The following GPC6 variants were observed in gnomAD, a reference collection of about 807,000 sequenced individuals.
GPC6 encodes glypican 6.
In GPC6, 14 loss-of-function variants were observed where a neutral mutation model predicts 55.2. The ratio of observed to expected loss-of-function variants is 0.25; its 90% confidence interval spans 0.17 to 0.40. The LOEUF (loss-of-function observed/expected upper bound fraction) is 0.40. GPC6 is among the 10% of genes least tolerant of loss of function. The pLI is 1.00. For missense variants in GPC6, 641 were observed against 708.5 expected, an observed-to-expected ratio of 0.90 and a Z score of 1.08; for synonymous variants, 278 against 259.6, an observed-to-expected ratio of 1.07 and a Z score of -0.68.
Position 93,272,490 on chromosome 13 carries a change from G to GTATATA in GPC6, c.160+44875_160+44876insATATAT, listed in dbSNP as rs71202576. Among the ~76,000 whole-genome samples, 655 of 95,354 alleles carry GTATATA rather than the reference G, an allele frequency of 6.9e-3. 5 individuals carry two copies. Among genetic ancestry groups the GTATATA allele is most frequent in the Admixed American group, 0.014 (107 of 7,912 alleles). 62.6% of individuals were successfully genotyped at this position (95,354 alleles called of 152,430 possible). A position where few individuals can be genotyped will look rare whatever the true frequency, so the allele number is the denominator to read the frequency against. ...AAGAATGAGGTGATTCATTGTCTGTGTGTATATATATATATATATATATAT... is the reference window on the plus strand; with the variant it reads ...AAGAATGAGGTGATTCATTGTCTGTGTATATATGTATATATATATATATATATATAT... On this transcript the variant is annotated intron_variant, in intron 1 of 8. Coordinates refer to ENST00000377047, the MANE Select transcript of GPC6 (RefSeq NM_005708.5).
At chr13:93,770,735 T>A (rs779296144) in intron 2 of GPC6, among the ~76,000 whole-genome samples, 1 of 152,170 alleles carries the variant, frequency 6.6e-6, no homozygotes, top group Non-Finnish European at 1.5e-5. Context: ...CTTGCAGACA[T>A]CAACCCTGCA....
intron 3 of GPC6, among the ~76,000 whole-genome samples, chr13:93,979,911 A>G (rs9584175): frequency 0.17 from 25,819 of 152,056 alleles, 2,290 homozygotes; most frequent in East Asian, 0.26. Flanking sequence ...AAGCACTCTT[A>G]TAAACTATAA....
chr13:93,416,814 T>A (rs994136970), intron 1 of GPC6, among the ~76,000 whole-genome samples: 19 of 151,996 alleles, frequency 1.3e-4, no homozygotes, highest in African/African-American at 4.6e-4. Flanking sequence ...CCTGTTATTA[T>A]AGAAAAAAAC....
At chr13:93,972,419 G>A (rs771676776) in intron 3 of GPC6, among the ~76,000 whole-genome samples, 18 of 152,090 alleles carry the variant, frequency 1.2e-4, no homozygotes, top group Non-Finnish European at 2.4e-4. Flanking sequence ...TTTATAAATA[G>A]AATACTCATT....
In GPC6 at chr13:93,722,714, G is replaced by A. The variant is rs144167679; in HGVS notation, c.320-107440G>A. ...AATTTATTCTTTCATGGTTCTTATAGCTGCACGTCTGAGATCAAGATGTTG... is the reference window on the plus strand; with the variant it reads ...AATTTATTCTTTCATGGTTCTTATAACTGCACGTCTGAGATCAAGATGTTG... On this transcript the variant is annotated intron_variant, in intron 2 of 8. Transcript: ENST00000377047. 4.8e-3 allele frequency among the ~76,000 whole-genome samples: 736 copies of A among 151,994 alleles called. 6 individuals carry two copies. The highest frequency in any genetic ancestry group is 0.017 in the African/African-American group (704 of 41,490).
chr13:94,081,066 G>T (rs1157417448), intron 4 of GPC6, among the ~76,000 whole-genome samples: 1 of 152,164 alleles, frequency 6.6e-6, no homozygotes, highest in Admixed American at 6.6e-5. Flanking sequence ...TGTGGTAGCT[G>T]CTGGGGAAAA....
intron 1 of GPC6, among the ~76,000 whole-genome samples, chr13:93,460,863 TA>T (rs1878656174): frequency 6.6e-6 from 1 of 152,218 alleles, no homozygotes; most frequent in Non-Finnish European, 1.5e-5. Flanking sequence ...AACAAGGTTT[TA>T]AAAATAAATT....
intron 3 of GPC6, among the ~76,000 whole-genome samples, chr13:93,891,696 A>G (rs1200511849): frequency 1.3e-5 from 2 of 152,066 alleles, no homozygotes; most frequent in Non-Finnish European, 2.9e-5. Context: ...ACACATTTAC[A>G]ATGTGTATAG....
chr13:93,978,716 T>C (rs1880637020), intron 3 of GPC6, among the ~76,000 whole-genome samples: 2 of 152,164 alleles, frequency 1.3e-5, no homozygotes, highest in Admixed American at 1.3e-4. Context: ...CTTCCTTCTC[T>C]CAACTGAGGT....
rs1252524965 is a variant in GPC6, at chr13:94,278,234, G to T, written c.878-8115G>T. On this transcript the variant is annotated intron_variant, in intron 4 of 8. Coordinates refer to ENST00000377047, the MANE Select transcript of GPC6 (RefSeq NM_005708.5). The stretch of plus-strand genomic sequence containing the variant: ...GAGTTCATTTATGATTTGGCACTCT[G>T]CTTGTCTATTGTTGGTATAAAGGAA... Among the ~76,000 whole-genome samples, 3 of 152,108 alleles carry T rather than the reference G, an allele frequency of 2.0e-5. No homozygotes were observed. In the East Asian group the frequency reaches 5.8e-4, roughly 29 times the overall value.
At chr13:93,659,430 A>T (rs1880825888) in intron 2 of GPC6, among the ~76,000 whole-genome samples, 1 of 151,974 alleles carries the variant, frequency 6.6e-6, no homozygotes, top group African/African-American at 2.4e-5. Context: ...ACCAAAAGTC[A>T]TGAGTCCCAG....
At chr13:94,402,741 A>G (rs1330614508) in intron 8 of GPC6, among the ~76,000 whole-genome samples, 2 of 152,260 alleles carry the variant, frequency 1.3e-5, no homozygotes, top group South Asian at 4.1e-4. Context: ...GGCGAAGGGG[A>G]AGCAAAAGAC....
At chr13:94,084,014 TTCA>T (rs1401577442) in intron 4 of GPC6, among the ~76,000 whole-genome samples, 1 of 152,210 alleles carries the variant, frequency 6.6e-6, no homozygotes, top group East Asian at 1.9e-4. Context: ...GGCTTTCCCA[TTCA>T]TTACCAATGA....
At chr13:93,444,136 A>C (rs1393702921) in intron 1 of GPC6, among the ~76,000 whole-genome samples, 1 of 151,498 alleles carries the variant, frequency 6.6e-6, no homozygotes, top group African/African-American at 2.4e-5. Flanking sequence ...TTATCAAAAT[A>C]TACTACTAAA....
intron 2 of GPC6, among the ~76,000 whole-genome samples, chr13:93,579,498 A>AT (rs1425467076): frequency 1.3e-5 from 2 of 152,066 alleles, no homozygotes; most frequent in African/African-American, 2.4e-5. Context: ...GTAGTACAAG[A>AT]TTTTTTTCAG....
At chr13:93,282,141 GTTATA>G (rs1408059716) in intron 1 of GPC6, among the ~76,000 whole-genome samples, 3 of 152,142 alleles carry the variant, frequency 2.0e-5, no homozygotes, top group Non-Finnish European at 4.4e-5. Flanking sequence ...TAACATCCAA[GTTATA>G]TTATTTCTTG....
intron 2 of GPC6, among the ~76,000 whole-genome samples, chr13:93,629,033 C>T (rs1594324181): frequency 2.7e-5 from 3 of 109,520 alleles, no homozygotes; most frequent in African/African-American, 8.8e-5. Flanking sequence ...GTACTTCTAG[C>T]CAGAAAAAAA....
intron 4 of GPC6, among the ~76,000 whole-genome samples, chr13:94,181,101 A>G (rs752813130): frequency 2.0e-5 from 3 of 152,196 alleles, no homozygotes; most frequent in Non-Finnish European, 2.9e-5. Flanking sequence ...ACTCTACCAG[A>G]GAGCTCTGGA....
At chr13:93,461,090 GT>G (rs1878667540) in intron 1 of GPC6, among the ~76,000 whole-genome samples, 1 of 151,986 alleles carries the variant, frequency 6.6e-6, no homozygotes, top group African/African-American at 2.4e-5. Flanking sequence ...TGTGTGTTTT[GT>G]TTTTGTTTGA....
Sources: gnomAD v4.1 joint callset for allele counts (sites outside exome capture counted in the v4.1 genomes callset) on GRCh38, gnomAD v4.1.1 for gene constraint, MANE v1.5 for transcripts, NCBI Gene and HGNC (gene_info 2026-07-23, HGNC 2026-07-21) for gene names.